RTKN2: variants seen among roughly 807,000 people sequenced by gnomAD.
The protein encoded by RTKN2 is rhotekin 2.
A neutral mutation model predicts 71.5 loss-of-function variants in RTKN2; 69 were observed. The ratio of observed to expected loss-of-function variants is 0.96; its 90% CI spans 0.79 to 1.18. RTKN2 has a LOEUF of 1.18. Ranked by LOEUF, RTKN2 falls within the 50% of genes most tolerant of loss-of-function variation. The pLI is 0.00. For synonymous variants in RTKN2, 236 were observed against 236.5 expected, an observed-to-expected ratio of 1.00 and a Z score of 0.02; for missense variants, 724 against 719.7, an observed-to-expected ratio of 1.01 and a Z score of -0.07.
In RTKN2 at chr10:62,193,755, T is replaced by A. The variant is rs1208539278; in HGVS notation, c.*4153A>T. The A allele has an allele frequency of 1.0e-6, 1 of 985,184 alleles. No individual in the cohort carries two copies. Among genetic ancestry groups the A allele is most frequent in the Non-Finnish European group, 1.2e-6 (1 of 829,802 alleles). The allele number at this position is 985,184 out of a possible 1,614,324, so 61.0% of individuals were successfully genotyped here. On this transcript the variant is annotated 3_prime_UTR_variant, in exon 12 of 12. Coordinates refer to ENST00000373789, the MANE Select transcript of RTKN2 (RefSeq NM_145307.4). Reference sequence around the variant, plus strand: ...AGTGGCTTAAGCTCTGGGGAAATTCTGGATCACTAAACTAAAAGTAAGGTT... The same window carrying A: ...AGTGGCTTAAGCTCTGGGGAAATTCAGGATCACTAAACTAAAAGTAAGGTT...
Position 62,194,544 on chromosome 10 carries a change from G to A in RTKN2, c.*3364C>T, listed in dbSNP as rs1049105674. 4.2e-5 allele frequency: 41 copies of A among 985,038 alleles called. No individual in the cohort carries two copies. The highest frequency in any genetic ancestry group is 4.9e-5 in the Non-Finnish European group (41 of 829,726). The allele number at this position is 985,038 out of a possible 1,614,324, so 61.0% of individuals were successfully genotyped here. A position where few individuals can be genotyped will look rare whatever the true frequency, so the allele number is the denominator to read the frequency against. Reference sequence around the variant, plus strand: ...GACCACAGGGACAGATATTTTTCTTGCAGAGCAGTTCTTGCTCATGGTGCA... The same window carrying A: ...GACCACAGGGACAGATATTTTTCTTACAGAGCAGTTCTTGCTCATGGTGCA... On this transcript the variant is annotated 3_prime_UTR_variant, in exon 12 of 12. Coordinates refer to ENST00000373789, the MANE Select transcript of RTKN2 (RefSeq NM_145307.4).
chr10:62,230,189 GA>G (rs1465486551), intron 6 of RTKN2, among the ~76,000 whole-genome samples: 10 of 151,240 alleles, frequency 6.6e-5, no homozygotes, highest in Admixed American at 6.6e-4. Context: ...TTTGTATTTT[GA>G]GACGGAGTCT....
At position 62,229,394 on chromosome 10, in the gene RTKN2, G is replaced by A. The variant is rs546050376; in HGVS notation, c.687-6062C>T. On this transcript the variant is annotated intron_variant, in intron 6 of 11. Coordinates refer to ENST00000373789, the MANE Select transcript of RTKN2 (RefSeq NM_145307.4). ...AAAGAGGACAAGATTACTGGTGCAA[G>A]GTCATGAAACTGAGAGGTCAAGGTA... 4.6e-5 allele frequency among the ~76,000 whole-genome samples: 7 copies of A among 152,264 alleles called. No homozygotes were observed. In the South Asian group the frequency reaches 1.5e-3, roughly 32 times the overall value.
chr10:62,203,851 A>G (rs946092222), intron 10 of RTKN2, among the ~76,000 whole-genome samples: 1 of 152,330 alleles, frequency 6.6e-6, no homozygotes, highest in African/African-American at 2.4e-5. Context: ...AAGGGAAATA[A>G]TTTCTACCTC....
chr10:62,215,157 A>G lies in RTKN2; in HGVS notation c.1020+1961T>C, dbSNP rs572655520. 1.3e-3 allele frequency: 1,321 copies of G among 999,688 alleles called. 3 individuals carry two copies. Among genetic ancestry groups the G allele is most frequent in the Middle Eastern group, 8.0e-3 (28 of 3,498 alleles). 61.9% of individuals were successfully genotyped at this position (999,688 alleles called of 1,614,324 possible). A position where few individuals can be genotyped will look rare whatever the true frequency, so the allele number is the denominator to read the frequency against. On this transcript the variant is annotated intron_variant, in intron 9 of 11. Coordinates refer to ENST00000373789, the MANE Select transcript of RTKN2 (RefSeq NM_145307.4). ...GACTGAATATTCTATGGTATAAAAT[A>G]TAAGAAAAAAATTAGTAGGATTTCA...
intron 7 of RTKN2, among the ~76,000 whole-genome samples, chr10:62,220,308 A>C (rs1465728267): frequency 6.6e-6 from 1 of 152,224 alleles, no homozygotes; most frequent in African/African-American, 2.4e-5. Flanking sequence ...TGGGAAAAAT[A>C]AATGCACGAG....
At position 62,196,101 on chromosome 10, in the gene RTKN2, T is replaced by C. The variant is rs1301847127; in HGVS notation, c.*1807A>G. 4 of 985,082 alleles carry C rather than the reference T, an allele frequency of 4.1e-6. No homozygotes were observed. Among genetic ancestry groups the C allele is most frequent in the Non-Finnish European group, 4.8e-6 (4 of 829,866 alleles). The allele number at this position is 985,082 out of a possible 1,614,324, so 61.0% of individuals were successfully genotyped here. ...TCAAAACAATTTTCCCTGCAGCATC[T>C]TCTAGCTCAATAATTTAGTGGCAAT... On this transcript the variant is annotated 3_prime_UTR_variant, in exon 12 of 12. Transcript: ENST00000373789.
chr10:62,189,134 A>G (rs1335414899), downstream of RTKN2, among the ~76,000 whole-genome samples: 1 of 148,092 alleles, frequency 6.8e-6, no homozygotes. Context: ...GGGTTTGTCA[A>G]CTCTGGCATT....
At chr10:62,257,993 T>G (rs1053360831) in intron 2 of RTKN2, among the ~76,000 whole-genome samples, 1 of 152,232 alleles carries the variant, frequency 6.6e-6, no homozygotes, top group Non-Finnish European at 1.5e-5. Flanking sequence ...GGCAATGTAC[T>G]AGGTATTTCA....
intron 2 of RTKN2, chr10:62,259,282 TCA>T (rs1564530302): frequency 3.4e-6 from 1 of 290,858 alleles, no homozygotes; most frequent in African/African-American, 3.0e-5. Flanking sequence ...TTCTTAATAC[TCA>T]GTCTCGGGTA....
chr10:62,223,877 A>C (rs1423849858), intron 6 of RTKN2, among the ~76,000 whole-genome samples: 1 of 152,322 alleles, frequency 6.6e-6, no homozygotes, highest in African/African-American at 2.4e-5. Context: ...AGTTCACAGC[A>C]GCATTATTGA....
intron 3 of RTKN2, among the ~76,000 whole-genome samples, chr10:62,242,719 C>T (rs1225421187): frequency 6.6e-6 from 1 of 151,932 alleles, no homozygotes; most frequent in Non-Finnish European, 1.5e-5. Flanking sequence ...CACCCCTGCC[C>T]CCGGGGTTCA....
chr10:62,208,134 C>T (rs1370840653), intron 9 of RTKN2, among the ~76,000 whole-genome samples: 1 of 152,042 alleles, frequency 6.6e-6, no homozygotes, highest in Non-Finnish European at 1.5e-5. Flanking sequence ...AATATAAACT[C>T]TAAAGTCACA....
rs529055438 is a variant in RTKN2, at chr10:62,256,577, G to C, written c.257+6048C>G. ...AGAATGTTATTTTTAAAAGATCCAT[G>C]CCAAATTATTGTGGTGTGTGTGCCA... On this transcript the variant is annotated intron_variant, in intron 2 of 11. Transcript: ENST00000373789. Among the ~76,000 whole-genome samples, 222 of 152,178 alleles carry C rather than the reference G, an allele frequency of 1.5e-3. 1 individual carries two copies. Among genetic ancestry groups the C allele is most frequent in the African/African-American group, 4.9e-3 (204 of 41,526 alleles).
chr10:62,188,476 TAGG>T (rs1390999387), downstream of RTKN2, among the ~76,000 whole-genome samples: 3 of 152,144 alleles, frequency 2.0e-5, no homozygotes, highest in East Asian at 1.9e-4. Context: ...CCACAATCAA[TAGG>T]AGGAGAACTA....
chr10:62,214,055 G>C lies in RTKN2; in HGVS notation c.1020+3063C>G, dbSNP rs551889038. On this transcript the variant is annotated intron_variant, in intron 9 of 11. Coordinates refer to ENST00000373789, the MANE Select transcript of RTKN2 (RefSeq NM_145307.4). ...GTAGAAGAACTACAAAGAGAAAAAG[G>C]CTTCTAAAGAGAAAAACACAGGAAA... 3.5e-3 allele frequency among the ~76,000 whole-genome samples: 535 copies of C among 151,956 alleles called. 3 individuals carry two copies. The highest frequency in any genetic ancestry group is 5.3e-3 in the Non-Finnish European group (357 of 67,908).
At chr10:62,188,772 G>T (rs897111115), downstream of RTKN2, among the ~76,000 whole-genome samples, 1 of 150,916 alleles carries the variant, frequency 6.6e-6, no homozygotes, top group African/African-American at 2.4e-5. Flanking sequence ...TTTTGAGACT[G>T]AGTCTCCCTC....
At chr10:62,218,400 T>G in intron 7 of RTKN2, 99 bp from the exon 8 acceptor site, 1 of 773,612 alleles carries the variant, frequency 1.3e-6, no homozygotes, top group South Asian at 1.8e-5. Context: ...AATTTTGTTT[T>G]GCTTTGTACA....
At chr10:62,246,106 ATTATT>A (rs758529910) in intron 2 of RTKN2, 49 bp from the exon 3 acceptor site, 12 of 1,216,416 alleles carry the variant, frequency 9.9e-6, no homozygotes, top group Admixed American at 2.1e-5. Flanking sequence ...CTAATAAGCA[ATTATT>A]TTAACAGTGT....
Sources: allele counts gnomAD v4.1 joint callset (sites outside exome capture counted in the v4.1 genomes callset), GRCh38; gene constraint gnomAD v4.1.1; transcripts MANE v1.5; gene names NCBI Gene and HGNC (gene_info 2026-07-23, HGNC 2026-07-21).